Variants in SLC25A37 observed in about 807,000 individuals in gnomAD.
The protein encoded by SLC25A37 is mitoferrin-1.
A neutral mutation model predicts 31.0 loss-of-function variants in SLC25A37; 17 were observed. That is an observed-to-expected ratio of 0.55 (90% confidence interval 0.38 to 0.82). The LOEUF is 0.82. SLC25A37 is among the 40% of genes least tolerant of loss of function. SLC25A37 has a pLI of 0.00. For synonymous variants in SLC25A37, 222 were observed against 193.0 expected (o/e 1.15, Z -1.24); for missense variants, 404 against 465.8 (o/e 0.87, Z 1.22).
rs1801604570 is a variant in SLC25A37 at position 23,529,054 on chromosome 8, G to A, written c.52G>A (p.Asp18Asn). The A allele has an allele frequency of 1.3e-6, 2 of 1,581,392 alleles. No homozygotes were observed. Among genetic ancestry groups the A allele is most frequent in the Non-Finnish European group, 1.7e-6 (2 of 1,165,394 alleles). ...VGSQAVARRM[D>N]GDSRDGGGGK... ...CAGCCAGGCGGTGGCGCGGAGGATGGATGGGGACAGCCGAGATGGCGGCGG... is the reference window on the plus strand; with the variant it reads ...CAGCCAGGCGGTGGCGCGGAGGATGAATGGGGACAGCCGAGATGGCGGCGG... The change falls in exon 1 of 4, where the codon GAT becomes AAT. Residue 18 changes from aspartate to asparagine, a missense_variant. Transcript: ENST00000519973. This position sits in a 1 kb window ranked among gnomAD's most constrained non-coding sequence, Gnocchi z 4.1.
In SLC25A37 at chr8:23,568,344, C is replaced by A; in HGVS notation, c.462C>A (p.Thr154=). Residue 154 remains threonine, a synonymous_variant, in exon 3 of 4, where the codon ACC becomes ACA. Transcript: ENST00000519973. ...LANGIAGSMA[T]LLHDAVMNPA... is the part of the protein sequence containing the mutation. The stretch of plus-strand genomic sequence containing the variant: ...CAGGGATAGCTGGGAGTATGGCCAC[C>A]CTGCTCCACGATGCGGTAATGAATC... 1.9e-6 allele frequency: 3 copies of A among 1,613,800 alleles called. No homozygotes were observed. In the South Asian group the frequency reaches 3.3e-5, roughly 18 times the overall value.
chr8:23,535,044 C>G (rs1039437951), intron 1 of SLC25A37, among the ~76,000 whole-genome samples: 1 of 152,160 alleles, frequency 6.6e-6, no homozygotes, highest in African/African-American at 2.4e-5. Context: ...CTCCATGGTC[C>G]CTTGACCTAA....
At chr8:23,566,513 C>A in intron 2 of SLC25A37, 177 bp downstream of exon 2, 1 of 1,369,108 alleles carries the variant, frequency 7.3e-7, no homozygotes, top group South Asian at 1.8e-5. Context: ...CACACGCGCG[C>A]GCACACACAT....
At chr8:23,568,198 C>A in intron 2 of SLC25A37, 124 bp from the exon 3 acceptor site, 2 of 936,228 alleles carry the variant, frequency 2.1e-6, no homozygotes, top group Non-Finnish European at 3.6e-6. Flanking sequence ...CTCACCTGGG[C>A]GGAGCTGGTA....
chr8:23,566,389 C>CCT, intron 2 of SLC25A37, 53 bp downstream of exon 2: 1 of 1,566,084 alleles, frequency 6.4e-7, no homozygotes, highest in South Asian at 1.2e-5. Flanking sequence ...TCAACACGTC[C>CCT]CTCCCCAGGG....
chr8:23,546,531 G>A (rs796201221), intron 1 of SLC25A37, among the ~76,000 whole-genome samples: 770 of 36,234 alleles, frequency 0.021, 35 homozygotes, highest in East Asian at 0.2. Flanking sequence ...ATATATAGGT[G>A]TATATATATA....
At chr8:23,565,806 G>A (rs547875889) in intron 1 of SLC25A37, among the ~76,000 whole-genome samples, 2 of 152,176 alleles carry the variant, frequency 1.3e-5, no homozygotes, top group Non-Finnish European at 2.9e-5. Context: ...AAGGTCTTAG[G>A]GCCTAGGGAT....
chr8:23,571,983 CT>C lies in SLC25A37; in HGVS notation c.*130del. The C allele has an allele frequency of 9.4e-7, 1 of 1,066,910 alleles. No individual in the cohort carries two copies. The highest frequency in any genetic ancestry group is 1.3e-6 in the Non-Finnish European group (1 of 745,476). 66.1% of individuals were successfully genotyped at this position (1,066,910 alleles called of 1,614,324 possible). A position where few individuals can be genotyped will look rare whatever the true frequency, so the allele number is the denominator to read the frequency against. ...CTATGGGCCCTCTGCTCCCCAATGCCTTAGAGAGAGGAGGGGACGGCACGGC... is the reference window on the plus strand; with the variant it reads ...CTATGGGCCCTCTGCTCCCCAATGCCTAGAGAGAGGAGGGGACGGCACGGC... On this transcript the variant is annotated 3_prime_UTR_variant, in exon 4 of 4. Transcript: ENST00000519973.
rs115474961 is a variant in SLC25A37 at position 23,559,335 on chromosome 8, G to C, written c.211-6773G>C. ...GAAATTTGTGAAATTCTCTGTCTCC[G>C]GTTGTGTGTGTGTGTGTGCGTGTGT... is the stretch of plus-strand genomic sequence containing the variant. On this transcript the variant is annotated intron_variant, in intron 1 of 3. Coordinates refer to ENST00000519973, the MANE Select transcript of SLC25A37 (RefSeq NM_016612.4). 1.8e-3 allele frequency among the ~76,000 whole-genome samples: 276 copies of C among 150,368 alleles called. 1 individual carries two copies. The highest frequency in any genetic ancestry group is 5.2e-3 in the South Asian group (24 of 4,622).
chr8:23,558,303 A>G (rs923524787), intron 1 of SLC25A37, among the ~76,000 whole-genome samples: 2 of 152,136 alleles, frequency 1.3e-5, no homozygotes, highest in Admixed American at 6.5e-5. Flanking sequence ...GAGGCCCACT[A>G]CCAGGCTCAG....
chr8:23,558,630 C>T (rs1296093775), intron 1 of SLC25A37, among the ~76,000 whole-genome samples: 1 of 152,196 alleles, frequency 6.6e-6, no homozygotes, highest in Non-Finnish European at 1.5e-5. Context: ...TTTGTTCTAG[C>T]TTTGCTAGGA....
In SLC25A37 at chr8:23,546,585, G is replaced by A. The variant is rs61509362; in HGVS notation, c.210+17373G>A. Among the ~76,000 whole-genome samples, 19 of 65,458 alleles carry A rather than the reference G, an allele frequency of 2.9e-4. 1 individual carries two copies. The highest frequency in any genetic ancestry group is 1.2e-3 in the East Asian group (2 of 1,616). 42.9% of individuals were successfully genotyped at this position (65,458 alleles called of 152,430 possible). ...ATATATATATATATATATATATAGT[G>A]TATATATATATAGTGTATGTGTGTG... is the stretch of plus-strand genomic sequence containing the variant. On this transcript the variant is annotated intron_variant, in intron 1 of 3. Coordinates refer to ENST00000519973, the MANE Select transcript of SLC25A37 (RefSeq NM_016612.4).
intron 1 of SLC25A37, among the ~76,000 whole-genome samples, chr8:23,532,632 C>G (rs997201044): frequency 1.8e-4 from 28 of 152,214 alleles, no homozygotes; most frequent in African/African-American, 4.8e-4. Flanking sequence ...CTTTCACAAC[C>G]CTTCTTTTGC....
At chr8:23,551,169 C>T (rs554370853) in intron 1 of SLC25A37, among the ~76,000 whole-genome samples, 5 of 152,356 alleles carry the variant, frequency 3.3e-5, no homozygotes, top group South Asian at 2.1e-4. Flanking sequence ...GCACTTTTGT[C>T]TGGGCCTCTG....
chr8:23,542,439 C>T (rs552971842), intron 1 of SLC25A37, among the ~76,000 whole-genome samples: 6 of 132,810 alleles, frequency 4.5e-5, no homozygotes, highest in Admixed American at 9.0e-5. Context: ...AGCGAAGTGG[C>T]GCGATCTCGG....
chr8:23,531,388 A>G (rs887314722), intron 1 of SLC25A37, among the ~76,000 whole-genome samples: 5 of 152,214 alleles, frequency 3.3e-5, no homozygotes, highest in Non-Finnish European at 7.3e-5. Context: ...CACTTGCTTC[A>G]TGCCTCGGGC....
At chr8:23,546,576 A>G (rs61156696) in intron 1 of SLC25A37, among the ~76,000 whole-genome samples, 1,296 of 56,932 alleles carry the variant, frequency 0.023, 53 homozygotes, top group African/African-American at 0.13. Flanking sequence ...ATATATATAT[A>G]TATATAGTGT....
intron 3 of SLC25A37, among the ~76,000 whole-genome samples, chr8:23,569,956 A>G (rs1346076584): frequency 6.6e-6 from 1 of 152,198 alleles, no homozygotes; most frequent in African/African-American, 2.4e-5. Flanking sequence ...TTTAAGTCTC[A>G]TGCTATAAGT....
In SLC25A37 at chr8:23,562,125, CCTCAGGGCTCCA is replaced by C. The variant is rs759447504; in HGVS notation, c.211-3982_211-3971del. Among the ~76,000 whole-genome samples the C allele has an allele frequency of 2.0e-3, 304 of 152,304 alleles. 2 individuals carry two copies. Among genetic ancestry groups the C allele is most frequent in the Middle Eastern group, 0.017 (5 of 294 alleles). ...GTAGGACCCTGCCCTTGGCTGGAAA[CCTCAGGGCTCCA>C]GCCAGGGCTCATCCCCAAGAAGATA... On this transcript the variant is annotated intron_variant, in intron 1 of 3. Coordinates refer to ENST00000519973, the MANE Select transcript of SLC25A37 (RefSeq NM_016612.4).
Sources: allele counts gnomAD v4.1 joint callset (sites outside exome capture counted in the v4.1 genomes callset), GRCh38; gene constraint gnomAD v4.1.1; non-coding constraint Gnocchi (gnomAD v3.1); transcripts MANE v1.5; gene names NCBI Gene and HGNC (gene_info 2026-07-23, HGNC 2026-07-21).